The following ROR1 variants were observed in gnomAD, a reference collection of about 807,000 sequenced individuals.
ROR1 encodes inactive tyrosine-protein kinase transmembrane receptor ROR1.
In ROR1, 19 loss-of-function variants were observed where a neutral mutation model predicts 78.8. The ratio of observed to expected loss-of-function variants is 0.24; its 90% CI spans 0.17 to 0.35. The LOEUF (loss-of-function observed/expected upper bound fraction) is 0.35, where lower values mean the gene tolerates loss of function less well. Ranked by LOEUF, ROR1 falls within the 10% of genes least tolerant of loss-of-function variation. ROR1 has a pLI of 1.00. For synonymous variants in ROR1, 386 were observed against 433.6 expected (o/e 0.89, Z 1.36); for missense variants, 917 against 1,177.8 (o/e 0.78, Z 3.24).
rs1649145351 is a variant in ROR1 at position 64,137,279 on chromosome 1, G to A, written c.483-90G>A. On this transcript the variant is annotated intron_variant, in intron 4 of 8. Coordinates refer to ENST00000371079, the MANE Select transcript of ROR1 (RefSeq NM_005012.4). Reference sequence around the variant, plus strand: ...ATATTGTGCCCAACTGTGCCCCCTAGTGACTATTTAGGGTATCGCGCAGTC... The same window carrying A: ...ATATTGTGCCCAACTGTGCCCCCTAATGACTATTTAGGGTATCGCGCAGTC... 5 of 1,410,416 alleles carry A rather than the reference G, an allele frequency of 3.5e-6. No homozygotes were observed. The East Asian group carries it at 9.3e-5, about 26-fold the overall frequency. 87.4% of individuals were successfully genotyped at this position (1,410,416 alleles called of 1,614,324 possible). A position where few individuals can be genotyped will look rare whatever the true frequency, so the allele number is the denominator to read the frequency against.
chr1:63,785,848 A>G (rs1644681767), intron 1 of ROR1, among the ~76,000 whole-genome samples: 1 of 152,048 alleles, frequency 6.6e-6, no homozygotes. Flanking sequence ...ATTTTCGATG[A>G]TGTTCTTAAT....
At chr1:63,847,389 T>C (rs1412736722) in intron 1 of ROR1, among the ~76,000 whole-genome samples, 1 of 152,146 alleles carries the variant, frequency 6.6e-6, no homozygotes, top group Non-Finnish European at 1.5e-5. Flanking sequence ...AGCCTATGGA[T>C]TGGGTAAGGA....
At chr1:63,842,472 A>C (rs965485970) in intron 1 of ROR1, among the ~76,000 whole-genome samples, 1 of 152,160 alleles carries the variant, frequency 6.6e-6, no homozygotes, top group South Asian at 2.1e-4. Context: ...AGGGAACCCA[A>C]ATCTTTTATA....
intron 4 of ROR1, among the ~76,000 whole-genome samples, chr1:64,101,824 A>T (rs867588967): frequency 6.6e-6 from 1 of 152,196 alleles, no homozygotes; most frequent in Non-Finnish European, 1.5e-5. Flanking sequence ...GAGGCAGATA[A>T]TTCCAGGCAA....
intron 1 of ROR1, among the ~76,000 whole-genome samples, chr1:63,966,175 G>A (rs932545782): frequency 1.3e-5 from 2 of 152,130 alleles, no homozygotes; most frequent in Non-Finnish European, 2.9e-5. Context: ...TAGTTCCCTC[G>A]GAAGTTGTCA....
At chr1:63,816,980 A>AT (rs1177671929) in intron 1 of ROR1, among the ~76,000 whole-genome samples, 1 of 152,238 alleles carries the variant, frequency 6.6e-6, no homozygotes, top group Non-Finnish European at 1.5e-5. Context: ...GAGGGGAAAG[A>AT]TAGGCATCGT....
chr1:64,008,634 G>T (rs189103738), intron 1 of ROR1, among the ~76,000 whole-genome samples: 330 of 151,978 alleles, frequency 2.2e-3, no homozygotes, highest in Middle Eastern at 6.8e-3. Context: ...GTTATTTTTT[G>T]ACTTTTTTTG....
chr1:63,952,819 C>A (rs1358337480), intron 1 of ROR1, among the ~76,000 whole-genome samples: 2 of 152,056 alleles, frequency 1.3e-5, no homozygotes, highest in African/African-American at 4.8e-5. Flanking sequence ...GAGGATCTGT[C>A]TTAGAGCTAG....
intron 4 of ROR1, among the ~76,000 whole-genome samples, chr1:64,134,762 T>C (rs1426818036): frequency 2.0e-5 from 3 of 150,796 alleles, no homozygotes; most frequent in African/African-American, 7.3e-5. Context: ...TTTTTTTTTT[T>C]TTTTGAGATG....
At chr1:63,891,087 G>A (rs962955557) in intron 1 of ROR1, among the ~76,000 whole-genome samples, 7 of 152,140 alleles carry the variant, frequency 4.6e-5, no homozygotes, top group African/African-American at 1.7e-4. Context: ...AATGTCACAT[G>A]TCAAACTACT....
chr1:63,788,893 A>G, intron 1 of ROR1: 1 of 881,046 alleles, frequency 1.1e-6, no homozygotes. Flanking sequence ...GTGTTCCATG[A>G]GAATCGCTTG....
chr1:63,921,598 C>T (rs1009081276), intron 1 of ROR1, among the ~76,000 whole-genome samples: 1 of 140,602 alleles, frequency 7.1e-6, no homozygotes, highest in Non-Finnish European at 1.5e-5. Context: ...GTTTACAATG[C>T]TAACACACCT....
intron 4 of ROR1, among the ~76,000 whole-genome samples, chr1:64,120,765 T>G (rs1648502545): frequency 6.6e-6 from 1 of 152,200 alleles, no homozygotes; most frequent in African/African-American, 2.4e-5. Context: ...CTTTATTTGT[T>G]TATAGTCTAC....
chr1:64,016,799 A>T (rs1646524567), intron 2 of ROR1, among the ~76,000 whole-genome samples: 1 of 150,374 alleles, frequency 6.7e-6, no homozygotes, highest in Admixed American at 6.7e-5. Flanking sequence ...TCTGATCATT[A>T]TTATAACTAG....
chr1:64,149,500 A>G (rs1047993069), intron 7 of ROR1, among the ~76,000 whole-genome samples: 1 of 152,096 alleles, frequency 6.6e-6, no homozygotes, highest in Non-Finnish European at 1.5e-5. Context: ...AGCCACAAAG[A>G]TATCTACTCT....
chr1:63,778,973 A>G (rs564485498), intron 1 of ROR1, among the ~76,000 whole-genome samples: 15 of 152,236 alleles, frequency 9.9e-5, no homozygotes, highest in Non-Finnish European at 2.1e-4. Flanking sequence ...CAACAGCAGC[A>G]AAGGGAAGCT....
At chr1:63,837,684 G>A (rs574231233) in intron 1 of ROR1, among the ~76,000 whole-genome samples, 2 of 152,306 alleles carry the variant, frequency 1.3e-5, no homozygotes, top group South Asian at 4.1e-4. Context: ...AGCTGGACAC[G>A]GTGGCGTGTT....
At chr1:63,813,317 C>T (rs1644871321) in intron 1 of ROR1, among the ~76,000 whole-genome samples, 1 of 152,172 alleles carries the variant, frequency 6.6e-6, no homozygotes, top group African/African-American at 2.4e-5. Flanking sequence ...CATTCAAATG[C>T]TGCCTTCTCC....
At chr1:63,940,122 G>C (rs1269229094) in intron 1 of ROR1, among the ~76,000 whole-genome samples, 3 of 152,098 alleles carry the variant, frequency 2.0e-5, no homozygotes, top group Non-Finnish European at 4.4e-5. Flanking sequence ...AGGGAAGGCA[G>C]GTTTTTATTC....
Sources: gnomAD v4.1 joint callset for allele counts (sites outside exome capture counted in the v4.1 genomes callset) on GRCh38, gnomAD v4.1.1 for gene constraint, MANE v1.5 for transcripts, NCBI Gene and HGNC (gene_info 2026-07-23, HGNC 2026-07-21) for gene names.